KMT2C: variants seen among roughly 807,000 people sequenced by gnomAD.
KMT2C encodes the protein lysine methyltransferase 2C.
A neutral mutation model predicts 507.9 loss-of-function variants in KMT2C; 88 were observed. The observed-to-expected ratio is 0.17, with a 90% CI of 0.15 to 0.21. The LOEUF is 0.21. KMT2C is among the 10% of genes least tolerant of loss of function. The pLI, the probability that KMT2C is intolerant of heterozygous loss-of-function variation, is 1.00. For synonymous variants in KMT2C, 2,049 were observed against 2,080.8 expected (o/e 0.98, Z 0.42); for missense variants, 4,954 against 5,957.8 (o/e 0.83, Z 5.55).
chr7:152,197,415 T>C (rs991034802), intron 27 of KMT2C, among the ~76,000 whole-genome samples: 2 of 152,198 alleles, frequency 1.3e-5, no homozygotes, highest in African/African-American at 4.8e-5. Context: ...ATAAATGTAA[T>C]ATTCCAGGTC....
At chr7:152,353,002 C>T (rs2097125547) in intron 2 of KMT2C, among the ~76,000 whole-genome samples, 1 of 152,114 alleles carries the variant, frequency 6.6e-6, no homozygotes, top group South Asian at 2.1e-4. Flanking sequence ...TTTGCAAAGA[C>T]CTGATTATGT....
intron 2 of KMT2C, 26 bp from the exon 3 acceptor site, chr7:152,330,765 C>T: frequency 1.2e-6 from 2 of 1,607,984 alleles, no homozygotes; most frequent in Non-Finnish European, 1.7e-6. Context: ...CAAGAGAAAA[C>T]AAAGAGTCAT....
rs890833058 is a variant in KMT2C at position 152,159,063 on chromosome 7, C to G, written c.11470G>C (p.Gly3824Arg). The G allele has an allele frequency of 2.8e-5, 45 of 1,613,934 alleles. No homozygotes were observed. The Admixed American group carries it at 7.5e-4, about 27-fold the overall frequency. Residue 3824 changes from glycine to arginine, a missense_variant, in exon 44 of 59, where the codon GGG becomes CGG. Physicochemically the swap from Gly to Arg is moderately radical, Grantham distance 125. Around this residue, in one of 29 missense-constraint regions of KMT2C, gnomAD observed 801 missense variants for 751.2 expected, o/e 1.07. Coordinates refer to ENST00000262189, the MANE Select transcript of KMT2C (RefSeq NM_170606.3). ...CCAAAACCACCTTGCATTTGAGCCC[C>G]CAAAGTTTGCTAATGTAATTGGAAA... is the stretch of plus-strand genomic sequence containing the variant. ...QNPAEGLQTL[G>R]AQMQGGFGCG...
chr7:152,172,875 G>A (rs1293003706), intron 39 of KMT2C, among the ~76,000 whole-genome samples: 1 of 152,020 alleles, frequency 6.6e-6, no homozygotes, highest in Non-Finnish European at 1.5e-5. Flanking sequence ...TCAAATTATG[G>A]TTTATTGCTA....
chr7:152,211,338 C>A (rs1398170274), intron 23 of KMT2C, among the ~76,000 whole-genome samples: 1 of 152,152 alleles, frequency 6.6e-6, no homozygotes, highest in Non-Finnish European at 1.5e-5. Context: ...TCCACACATT[C>A]TCTGTCAGGG....
At chr7:152,349,853 T>C (rs2097096022) in intron 2 of KMT2C, among the ~76,000 whole-genome samples, 1 of 152,198 alleles carries the variant, frequency 6.6e-6, no homozygotes, top group African/African-American at 2.4e-5. Context: ...GTATAGGATG[T>C]TGATACTGAA....
rs550819504 is a variant in KMT2C, at chr7:152,156,255, G to A, written c.11762C>T (p.Ala3921Val). ...TTTTCCAGCAAGTTCTTCAGTTGTT[G>A]CAAAACCATTGGCCATCTTCTGACA... ...MACQKMANGFATTEELAGKAG... is the reference protein window; with the variant it reads ...MACQKMANGFVTTEELAGKAG... Residue 3921 changes from alanine (A) to valine (V), a missense_variant, in exon 45 of 59, where the codon GCA becomes GTA. Ala to Val is a moderately conservative substitution (Grantham distance 64). Around this residue, in one of 29 missense-constraint regions of KMT2C, gnomAD observed 104 missense variants for 134.3 expected, o/e 0.77. Coordinates refer to ENST00000262189, the MANE Select transcript of KMT2C (RefSeq NM_170606.3). 3.7e-6 allele frequency: 6 copies of A among 1,614,146 alleles called. No homozygotes were observed. In the East Asian group the frequency reaches 1.3e-4, roughly 36 times the overall value.
At chr7:152,409,257 T>C (rs1388230443) in intron 1 of KMT2C, among the ~76,000 whole-genome samples, 2 of 152,070 alleles carry the variant, frequency 1.3e-5, no homozygotes, top group Non-Finnish European at 2.9e-5. Flanking sequence ...TCCACCTGCC[T>C]CAGCCTCCCA....
At chr7:152,215,711 A>AAT (rs751875357) in intron 23 of KMT2C, among the ~76,000 whole-genome samples, 1,468 of 139,246 alleles carry the variant, frequency 0.011, 25 homozygotes, top group African/African-American at 0.016. Flanking sequence ...ACACACACAA[A>AAT]ATATATATAT....
At chr7:152,157,076 A>G (rs1012528498) in intron 44 of KMT2C, among the ~76,000 whole-genome samples, 6 of 152,086 alleles carry the variant, frequency 3.9e-5, no homozygotes, top group South Asian at 2.1e-4. Context: ...ACAGCTTATG[A>G]GTTAAGATAG....
At chr7:152,258,297 G>A (rs540665821) in intron 9 of KMT2C, among the ~76,000 whole-genome samples, 1 of 152,278 alleles carries the variant, frequency 6.6e-6, no homozygotes, top group Admixed American at 6.5e-5. Context: ...AAAATAATTA[G>A]GTAATGAGTT....
intron 14 of KMT2C, among the ~76,000 whole-genome samples, chr7:152,240,083 A>C (rs1287739514): frequency 6.6e-6 from 1 of 151,798 alleles, no homozygotes; most frequent in Non-Finnish European, 1.5e-5. Flanking sequence ...CAAACACTTT[A>C]TTTTTTTCCC....
chr7:152,368,439 G>T lies in KMT2C; in HGVS notation c.162-9764C>A. 2.6e-6 allele frequency: 3 copies of T among 1,168,194 alleles called. No individual in the cohort carries two copies. The South Asian group carries it at 3.9e-5, about 15-fold the overall frequency. The allele number at this position is 1,168,194 out of a possible 1,614,324, so 72.4% of individuals were successfully genotyped here. A position where few individuals can be genotyped will look rare whatever the true frequency, so the allele number is the denominator to read the frequency against. On this transcript the variant is annotated intron_variant, in intron 1 of 58. Transcript: ENST00000262189. ...TGGAGATGGAGCAGGTGTTAGAGAT[G>T]AAGGTCAAATAAAAAGTTCAAAAAC...
At chr7:152,149,705 C>T (rs1258869629) in intron 51 of KMT2C, among the ~76,000 whole-genome samples, 1 of 152,200 alleles carries the variant, frequency 6.6e-6, no homozygotes, top group Admixed American at 6.5e-5. Flanking sequence ...TTCTCTGAGG[C>T]TTCTCAGCTC....
intron 1 of KMT2C, among the ~76,000 whole-genome samples, chr7:152,400,264 G>GT (rs1471456601): frequency 2.0e-5 from 3 of 151,246 alleles, no homozygotes; most frequent in African/African-American, 7.3e-5. Context: ...TGCCAAGATG[G>GT]TACCACTGCA....
rs751399801 is a variant in KMT2C, at chr7:152,220,589, C to A, written c.3646G>T (p.Val1216Phe). The A allele has an allele frequency of 1.9e-6, 3 of 1,611,884 alleles. No individual in the cohort carries two copies. The highest frequency in any genetic ancestry group is 2.5e-6 in the Non-Finnish European group (3 of 1,179,728). ...LKIINQNSVA[V>F]LQTPPDIQSE... Reference sequence around the variant, plus strand: ...TGGATGTCTGGAGGGGTCTGAAGGACGGCCACGCTATTCTGATTTATAATC... The same window carrying A: ...TGGATGTCTGGAGGGGTCTGAAGGAAGGCCACGCTATTCTGATTTATAATC... The change falls in exon 23 of 59, where the codon GTC (valine) becomes TTC (phenylalanine). Residue 1216 changes from valine (V) to phenylalanine (F), a missense_variant. Coordinates refer to ENST00000262189, the MANE Select transcript of KMT2C (RefSeq NM_170606.3).
In KMT2C at chr7:152,148,028, G is replaced by A. The variant is rs2129094842; in HGVS notation, c.13894+5C>T. 9 of 1,565,426 alleles carry A rather than the reference G, an allele frequency of 5.7e-6. No individual in the cohort carries two copies. The highest frequency in any genetic ancestry group is 1.4e-5 in the African/African-American group (1 of 73,856). ...ACTGCACAGCATGTGAACGGCAGAC[G>A]TTACCTTTAGGTGAGATGTCACTTA... On this transcript the variant is annotated splice_donor_5th_base_variant and intron_variant, in intron 52 of 58. Coordinates refer to ENST00000262189, the MANE Select transcript of KMT2C (RefSeq NM_170606.3). This position sits in a 1 kb window ranked among gnomAD's most constrained non-coding sequence, Gnocchi z 7.1.
At position 152,222,079 on chromosome 7, in the gene KMT2C, A is replaced by G. The variant is rs2094790133; in HGVS notation, c.3434-13T>C. On this transcript the variant is annotated splice_polypyrimidine_tract_variant and intron_variant, in intron 21 of 58. Coordinates refer to ENST00000262189, the MANE Select transcript of KMT2C (RefSeq NM_170606.3). ...TCTGAGGAAGGCACTGAAACGAAAAAAAAAAATCCAGGTAATTCTTTTCAG... is the reference window on the plus strand; with the variant it reads ...TCTGAGGAAGGCACTGAAACGAAAAGAAAAAATCCAGGTAATTCTTTTCAG... The G allele has an allele frequency of 1.3e-6, 2 of 1,572,376 alleles. No homozygotes were observed. The highest frequency in any genetic ancestry group is 8.6e-7 in the Non-Finnish European group (1 of 1,162,492).
chr7:152,309,904 G>T, intron 6 of KMT2C, 62 bp downstream of exon 6: 1 of 1,019,798 alleles, frequency 9.8e-7, no homozygotes, highest in South Asian at 1.4e-5. Context: ...CCTTTCAAGT[G>T]AACTTCTGAT....
Sources: allele counts gnomAD v4.1 joint callset (sites outside exome capture counted in the v4.1 genomes callset), GRCh38; gene constraint gnomAD v4.1.1; regional missense constraint gnomAD v4.1.1; non-coding constraint Gnocchi (gnomAD v3.1); transcripts MANE v1.5; gene names NCBI Gene and HGNC (gene_info 2026-07-23, HGNC 2026-07-21).